Variants in NRG4 observed in about 807,000 individuals in gnomAD.
The protein encoded by NRG4 is neuregulin 4.
NRG4 carries 10 observed loss-of-function variants against 15.0 expected under a neutral mutation model. That is an observed-to-expected ratio of 0.67 (90% CI 0.41 to 1.13). The LOEUF (loss-of-function observed/expected upper bound fraction) is 1.13, where lower values mean the gene tolerates loss of function less well. NRG4 is among the 50% of genes most tolerant of loss of function. The pLI is 0.00. For synonymous variants in NRG4, 41 were observed against 50.1 expected (o/e 0.82, Z 0.77); for missense variants, 139 against 140.2 (o/e 0.99, Z 0.04).
chr15:75,939,594 G>T (rs778567562), downstream of NRG4: 8 of 152,104 alleles, frequency 5.3e-5, no homozygotes, highest in Non-Finnish European at 8.8e-5. Context: ...TACAAGAAAA[G>T]ATTACAGACC....
intron 3 of NRG4, among the ~76,000 whole-genome samples, chr15:75,974,653 T>C (rs1384114966): frequency 6.6e-6 from 1 of 152,212 alleles, no homozygotes; most frequent in African/African-American, 2.4e-5. Flanking sequence ...TCAGTTTCCA[T>C]GTAGTTGTGT....
intron 2 of NRG4, among the ~76,000 whole-genome samples, chr15:76,010,025 C>T (rs538961049): frequency 2.0e-5 from 3 of 152,114 alleles, no homozygotes; most frequent in Admixed American, 1.3e-4. Context: ...TTCTTTATGA[C>T]CTTTCCTTTA....
At chr15:76,025,850 C>T (rs1046180430) in intron 5 of NRG4, among the ~76,000 whole-genome samples, 2 of 151,772 alleles carry the variant, frequency 1.3e-5, no homozygotes, top group African/African-American at 4.8e-5. Context: ...GCACTCCAGC[C>T]TGAGTGACAG....
chr15:76,020,971 C>T (rs967563594), intron 5 of NRG4, among the ~76,000 whole-genome samples: 1 of 152,244 alleles, frequency 6.6e-6, no homozygotes, highest in African/African-American at 2.4e-5. Context: ...AACAGATTTT[C>T]ACTGTAGAAC....
intron 5 of NRG4, among the ~76,000 whole-genome samples, chr15:76,030,128 T>C (rs1274687433): frequency 6.6e-6 from 1 of 151,900 alleles, no homozygotes; most frequent in Non-Finnish European, 1.5e-5. Flanking sequence ...TGTGGTGGCA[T>C]ACACCTTGTA....
At chr15:76,043,606 A>G (rs2035797387) in intron 4 of NRG4, among the ~76,000 whole-genome samples, 1 of 152,228 alleles carries the variant, frequency 6.6e-6, no homozygotes, top group African/African-American at 2.4e-5. Context: ...AGCTCTCTAC[A>G]ATGAAAACTA....
chr15:75,981,366 GAAC>G (rs538314103), intron 3 of NRG4, among the ~76,000 whole-genome samples: 43 of 152,124 alleles, frequency 2.8e-4, no homozygotes, highest in Non-Finnish European at 5.7e-4. Context: ...ATGTAGAGGA[GAAC>G]AACCACCCAG....
At chr15:76,050,303 T>C (rs1353636040) in intron 4 of NRG4, among the ~76,000 whole-genome samples, 1 of 150,870 alleles carries the variant, frequency 6.6e-6, no homozygotes, top group Non-Finnish European at 1.5e-5. Flanking sequence ...ATTCTTAATT[T>C]CAAAATCTTT....
chr15:76,022,533 G>A (rs187984261), intron 5 of NRG4, among the ~76,000 whole-genome samples: 111 of 152,214 alleles, frequency 7.3e-4, no homozygotes, highest in African/African-American at 2.6e-3. Context: ...AGAGATGAAT[G>A]AGCATTTCAG....
intron 3 of NRG4, among the ~76,000 whole-genome samples, chr15:75,988,165 C>A (rs912258955): frequency 6.6e-6 from 1 of 152,170 alleles, no homozygotes; most frequent in African/African-American, 2.4e-5. Context: ...ATGCCGACGT[C>A]AAAGAGGTTG....
intron 3 of NRG4, among the ~76,000 whole-genome samples, chr15:75,999,742 A>C (rs1596006690): frequency 6.6e-6 from 1 of 152,236 alleles, no homozygotes; most frequent in African/African-American, 2.4e-5. Context: ...ACATATACAT[A>C]ATCCAAATAG....
At chr15:76,005,717 G>A in intron 3 of NRG4, 1 of 322,264 alleles carries the variant, frequency 3.1e-6, no homozygotes, top group South Asian at 2.9e-5. Context: ...AAAGAGAATT[G>A]TAAGGAAGAG....
chr15:76,016,723 T>C (rs2034990039), upstream of NRG4, among the ~76,000 whole-genome samples: 1 of 152,228 alleles, frequency 6.6e-6, no homozygotes, highest in African/African-American at 2.4e-5. Context: ...TCCATTATTT[T>C]GCATTTGCTG....
At chr15:75,975,339 C>T (rs961675617) in intron 3 of NRG4, among the ~76,000 whole-genome samples, 4 of 152,140 alleles carry the variant, frequency 2.6e-5, no homozygotes, top group Non-Finnish European at 5.9e-5. Context: ...GGGCATTTAG[C>T]CCATTTACAT....
chr15:76,040,705 A>G (rs996493137), intron 4 of NRG4, among the ~76,000 whole-genome samples: 1 of 152,166 alleles, frequency 6.6e-6, no homozygotes, highest in African/African-American at 2.4e-5. Flanking sequence ...ATCACAGATC[A>G]TTTGAGGTCA....
At chr15:75,997,093 G>A (rs1226177428) in intron 3 of NRG4, among the ~76,000 whole-genome samples, 1 of 151,918 alleles carries the variant, frequency 6.6e-6, no homozygotes, top group African/African-American at 2.4e-5. Context: ...GAGAGCTGAT[G>A]TTATACATTT....
intron 3 of NRG4, among the ~76,000 whole-genome samples, chr15:76,007,574 C>T (rs962824925): frequency 6.6e-5 from 10 of 151,870 alleles, no homozygotes; most frequent in Non-Finnish European, 1.2e-4. Context: ...GGACTACAGG[C>T]GCCCACCATC....
intron 4 of NRG4, among the ~76,000 whole-genome samples, chr15:76,045,884 A>G (rs186228647): frequency 6.6e-6 from 1 of 151,128 alleles, no homozygotes; most frequent in Non-Finnish European, 1.5e-5. Flanking sequence ...CAACAGGGTG[A>G]CTACAGTAAA....
downstream of NRG4, chr15:75,937,983 G>T (rs770605374): frequency 1.3e-5 from 2 of 152,238 alleles, no homozygotes; most frequent in Non-Finnish European, 2.9e-5. Context: ...ATACAGGGGG[G>T]ATTTAAAATG....
Sources: allele counts gnomAD v4.1 joint callset (sites outside exome capture counted in the v4.1 genomes callset), GRCh38; gene constraint gnomAD v4.1.1; transcripts MANE v1.5; gene names NCBI Gene and HGNC (gene_info 2026-07-23, HGNC 2026-07-21).